PDE3A: variants seen among roughly 807,000 people sequenced by gnomAD.
PDE3A encodes phosphodiesterase 3A, also known as cGMP-inhibited 3',5'-cyclic phosphodiesterase 3A.
PDE3A carries 43 observed loss-of-function variants against 98.3 expected under a neutral mutation model. The ratio of observed to expected loss-of-function variants is 0.44; its 90% CI spans 0.34 to 0.56. The LOEUF (loss-of-function observed/expected upper bound fraction) is 0.56. Ranked by LOEUF, PDE3A falls within the 20% of genes least tolerant of loss-of-function variation. The pLI is 0.01. For missense variants in PDE3A, 1,427 were observed against 1,440.7 expected (o/e 0.99, Z 0.15); for synonymous variants, 663 against 567.9 (o/e 1.17, Z -2.38).
At chr12:20,419,529 C>T (rs551134896) in intron 1 of PDE3A, among the ~76,000 whole-genome samples, 1 of 150,934 alleles carries the variant, frequency 6.6e-6, no homozygotes, top group Non-Finnish European at 1.5e-5. Context: ...TTTTTTAGTT[C>T]CAAGGATGCT....
At chr12:20,370,394 T>G (rs569570157) in intron 1 of PDE3A, 150 bp downstream of exon 1, 5 of 461,630 alleles carry the variant, frequency 1.1e-5, no homozygotes, top group African/African-American at 4.3e-5. Context: ...AGCAGGTTTT[T>G]TTTTTGTTTT....
At chr12:20,454,478 T>C (rs1945120536) in intron 1 of PDE3A, among the ~76,000 whole-genome samples, 1 of 152,218 alleles carries the variant, frequency 6.6e-6, no homozygotes, top group Non-Finnish European at 1.5e-5. Context: ...TGTTTGTTTA[T>C]TTATTACCTT....
At chr12:20,427,081 A>C (rs191521707) in intron 1 of PDE3A, among the ~76,000 whole-genome samples, 18 of 152,356 alleles carry the variant, frequency 1.2e-4, no homozygotes, top group Admixed American at 1.0e-3. Context: ...GAAGGGACAC[A>C]GGGTAATGTT....
intron 1 of PDE3A, among the ~76,000 whole-genome samples, chr12:20,438,764 CTT>C (rs57996665): frequency 1.6e-4 from 24 of 145,996 alleles, no homozygotes; most frequent in Admixed American, 4.1e-4. Flanking sequence ...AAGATGTTGT[CTT>C]TTTTTTTTTT....
At chr12:20,422,212 G>A (rs570840754) in intron 1 of PDE3A, among the ~76,000 whole-genome samples, 116 of 152,122 alleles carry the variant, frequency 7.6e-4, no homozygotes, top group African/African-American at 2.7e-3. Flanking sequence ...CGGGCATGGT[G>A]GCGGGCACCT....
At chr12:20,515,525 G>C (rs139364126) in intron 1 of PDE3A, among the ~76,000 whole-genome samples, 1,607 of 152,184 alleles carry the variant, frequency 0.011, 28 homozygotes, top group African/African-American at 0.037. Flanking sequence ...CCACAGATTG[G>C]AAATGCTAGC....
At chr12:20,609,146 A>G (rs1261584959) in intron 2 of PDE3A, among the ~76,000 whole-genome samples, 1 of 152,076 alleles carries the variant, frequency 6.6e-6, no homozygotes, top group Admixed American at 6.6e-5. Context: ...TGCAGATGAC[A>G]TGATCTTTAT....
intron 2 of PDE3A, among the ~76,000 whole-genome samples, chr12:20,587,964 T>A (rs1263460697): frequency 6.6e-6 from 1 of 152,202 alleles, no homozygotes; most frequent in Non-Finnish European, 1.5e-5. Flanking sequence ...CAAATACCAC[T>A]GCAGCTCAGA....
chr12:20,560,687 C>G (rs1942492615), intron 2 of PDE3A, among the ~76,000 whole-genome samples: 1 of 152,046 alleles, frequency 6.6e-6, no homozygotes, highest in Non-Finnish European at 1.5e-5. Context: ...AGATGTGTGT[C>G]TTAATTACTG....
chr12:20,637,920 C>G (rs907361603), intron 9 of PDE3A, among the ~76,000 whole-genome samples: 1 of 152,068 alleles, frequency 6.6e-6, no homozygotes, highest in African/African-American at 2.4e-5. Context: ...GAATAGCTAT[C>G]GAAATACACA....
chr12:20,422,336 T>G (rs1944532700), intron 1 of PDE3A, among the ~76,000 whole-genome samples: 1 of 151,500 alleles, frequency 6.6e-6, no homozygotes, highest in Non-Finnish European at 1.5e-5. Flanking sequence ...AGAGCGAGAC[T>G]CTGTCTCAAA....
At chr12:20,634,637 T>A (rs181348505) in intron 7 of PDE3A, among the ~76,000 whole-genome samples, 2 of 152,306 alleles carry the variant, frequency 1.3e-5, no homozygotes, top group African/African-American at 4.8e-5. Flanking sequence ...TAGGATTTGT[T>A]AAAGGTATGA....
chr12:20,386,162 TAA>T (rs1361947530), intron 1 of PDE3A, among the ~76,000 whole-genome samples: 1 of 87,976 alleles, frequency 1.1e-5, no homozygotes, highest in African/African-American at 4.4e-5. Context: ...TAAATATATA[TAA>T]ATATATAAAA....
chr12:20,482,796 G>C (rs1428910320), intron 1 of PDE3A, among the ~76,000 whole-genome samples: 1 of 152,148 alleles, frequency 6.6e-6, no homozygotes, highest in African/African-American at 2.4e-5. Flanking sequence ...TTCAGCAGCT[G>C]CTCTTTTTAA....
At chr12:20,615,298 C>G (rs1170162896) in intron 3 of PDE3A, among the ~76,000 whole-genome samples, 2 of 152,070 alleles carry the variant, frequency 1.3e-5, no homozygotes, top group East Asian at 3.9e-4. Flanking sequence ...TGCTACATGT[C>G]CTGTTTAGGA....
chr12:20,446,879 C>G (rs973469045), intron 1 of PDE3A, among the ~76,000 whole-genome samples: 1 of 152,096 alleles, frequency 6.6e-6, no homozygotes, highest in African/African-American at 2.4e-5. Flanking sequence ...ATGAGAACCA[C>G]CTGGATGGCT....
intron 2 of PDE3A, among the ~76,000 whole-genome samples, chr12:20,580,994 T>C (rs1209328359): frequency 6.6e-6 from 1 of 152,034 alleles, no homozygotes; most frequent in Non-Finnish European, 1.5e-5. Context: ...AAATAGAGGG[T>C]TTCACTATCA....
At chr12:20,585,298 C>G (rs1337827049) in intron 2 of PDE3A, among the ~76,000 whole-genome samples, 1 of 152,166 alleles carries the variant, frequency 6.6e-6, no homozygotes, top group Non-Finnish European at 1.5e-5. Context: ...GTAATTGAAG[C>G]ATAGTTTAGG....
chr12:20,377,110 A>T (rs1368229206), intron 1 of PDE3A, among the ~76,000 whole-genome samples: 1 of 151,638 alleles, frequency 6.6e-6, no homozygotes, highest in African/African-American at 2.4e-5. Context: ...TGCATTTATG[A>T]TTTGTGTGTG....
Sources: gnomAD v4.1 joint callset for allele counts (sites outside exome capture counted in the v4.1 genomes callset) on GRCh38, gnomAD v4.1.1 for gene constraint, MANE v1.5 for transcripts, NCBI Gene and HGNC (gene_info 2026-07-23, HGNC 2026-07-21) for gene names.